The following NAA20 variants were observed in gnomAD, a reference collection of about 807,000 sequenced individuals.
NAA20 encodes the protein N-alpha-acetyltransferase 20.
A neutral mutation model predicts 23.8 loss-of-function variants in NAA20; 24 were observed. That is an observed-to-expected ratio of 1.01 (90% CI 0.73 to 1.42). The LOEUF is 1.42. Among genes scored for constraint, NAA20 ranks in the 40% most tolerant of loss-of-function variants. NAA20 has a pLI of 0.00. For missense variants in NAA20, 166 were observed against 223.1 expected, an observed-to-expected ratio of 0.74 and a Z score of 1.63; for synonymous variants, 83 against 77.7, an observed-to-expected ratio of 1.07 and a Z score of -0.36.
At chr20:20,032,432 TA>T (rs1405210092) in intron 4 of NAA20, 75 bp from the exon 5 acceptor site, 57 of 1,464,858 alleles carry the variant, frequency 3.9e-5, no homozygotes, top group East Asian at 4.6e-5. Flanking sequence ...AAACACGTTT[TA>T]AAAAAAATAT....
rs566230590 is a variant in NAA20 at position 20,022,473 on chromosome 20, C to G, written c.71C>G (p.Thr24Arg). 70 of 1,571,614 alleles carry G rather than the reference C, an allele frequency of 4.5e-5. No homozygotes were observed. Among genetic ancestry groups the G allele is most frequent in the Non-Finnish European group, 8.6e-7 (1 of 1,163,618 alleles). Reference protein sequence around the residue: ...RFNNINLDPLTETYGIPFYLQ... With the variant: ...RFNNINLDPLRETYGIPFYLQ... ...TCTTTCAGTAACTTGGATCCACTTA[C>G]AGAAACTGTATCCTTTTTTACAAAA... Residue 24 changes from threonine (T) to arginine (R), a missense_variant, in exon 2 of 6, where the codon ACA becomes AGA. Transcript: ENST00000334982.
In NAA20 at chr20:20,022,471, T is replaced by TA. The variant is rs1316615014; in HGVS notation, c.70dup (p.Thr24AsnfsTer37). ...TTTCTTTCAGTAACTTGGATCCACTTACAGAAACTGTATCCTTTTTTACAA... is the reference window on the plus strand; with the variant it reads ...TTTCTTTCAGTAACTTGGATCCACTTAACAGAAACTGTATCCTTTTTTACAA... On this transcript the variant is annotated frameshift_variant, in exon 2 of 6. Coordinates refer to ENST00000334982, the MANE Select transcript of NAA20 (RefSeq NM_016100.5). LOFTEE classifies it high-confidence loss of function. 2 of 1,582,458 alleles carry TA rather than the reference T, an allele frequency of 1.3e-6. No individual in the cohort carries two copies. The highest frequency in any genetic ancestry group is 1.7e-6 in the Non-Finnish European group (2 of 1,168,214).
chr20:20,022,391 C>T (rs2043274828), intron 1 of NAA20, 65 bp from the exon 2 acceptor site: 2 of 1,471,590 alleles, frequency 1.4e-6, no homozygotes, highest in African/African-American at 1.4e-5. Flanking sequence ...TTAGCTTTAG[C>T]AGGCTTATTT....
intron 4 of NAA20, among the ~76,000 whole-genome samples, chr20:20,028,633 C>T (rs1051164592): frequency 2.6e-5 from 4 of 152,084 alleles, no homozygotes; most frequent in African/African-American, 9.7e-5. Context: ...AGACTAGTTG[C>T]TAAGATTTAA....
chr20:20,021,573 T>C (rs2043268639), intron 1 of NAA20, among the ~76,000 whole-genome samples: 1 of 152,228 alleles, frequency 6.6e-6, no homozygotes, highest in African/African-American at 2.4e-5. Context: ...TTAAAATTTT[T>C]AAATCTCAGT....
chr20:20,020,678 A>G (rs943846601), intron 1 of NAA20, among the ~76,000 whole-genome samples: 2 of 152,138 alleles, frequency 1.3e-5, no homozygotes, highest in East Asian at 1.9e-4. Context: ...ACAAGTGTAG[A>G]AAAAAAGGCT....
chr20:20,025,097 C>T (rs1480125797), intron 2 of NAA20, among the ~76,000 whole-genome samples: 1 of 152,170 alleles, frequency 6.6e-6, no homozygotes, highest in Non-Finnish European at 1.5e-5. Flanking sequence ...CTTAAGTCAG[C>T]TTTTATCTGC....
chr20:20,032,968 T>G (rs2043358229), intron 5 of NAA20, 134 bp from the exon 6 acceptor site: 1 of 749,114 alleles, frequency 1.3e-6, no homozygotes, highest in South Asian at 1.8e-5. Flanking sequence ...GGGAGACATT[T>G]ATAAATACAT....
At chr20:20,032,453 A>G (rs1419572571) in intron 4 of NAA20, 55 bp from the exon 5 acceptor site, 1 of 1,560,460 alleles carries the variant, frequency 6.4e-7, no homozygotes, top group Non-Finnish European at 8.7e-7. Flanking sequence ...TGTATCTATT[A>G]CTTTCTAGGG....
intron 4 of NAA20, among the ~76,000 whole-genome samples, chr20:20,027,190 T>A (rs1348166090): frequency 6.6e-6 from 1 of 152,198 alleles, no homozygotes; most frequent in Non-Finnish European, 1.5e-5. Context: ...GCTCTCGAGG[T>A]TTCTCTTAGT....
intron 4 of NAA20, among the ~76,000 whole-genome samples, chr20:20,032,000 AT>A (rs1568750303): frequency 6.6e-6 from 1 of 152,190 alleles, no homozygotes; most frequent in African/African-American, 2.4e-5. Flanking sequence ...ACTCCTAGCT[AT>A]AGACCTTACG....
chr20:20,030,831 G>A (rs1277389598), intron 4 of NAA20, among the ~76,000 whole-genome samples: 2 of 151,938 alleles, frequency 1.3e-5, no homozygotes, highest in Non-Finnish European at 2.9e-5. Flanking sequence ...TGGATAGAAA[G>A]TCAGTATAAA....
At chr20:20,028,435 A>G (rs183327996) in intron 4 of NAA20, among the ~76,000 whole-genome samples, 13 of 152,260 alleles carry the variant, frequency 8.5e-5, no homozygotes, top group Admixed American at 4.6e-4. Flanking sequence ...GCGTATACCT[A>G]TGTAACAAAC....
chr20:20,032,141 C>T (rs764410183), intron 4 of NAA20, among the ~76,000 whole-genome samples: 5 of 151,752 alleles, frequency 3.3e-5, no homozygotes, highest in Admixed American at 6.6e-5. Context: ...CAATGTTAGT[C>T]GACTGAGAGA....
intron 4 of NAA20, 93 bp from the exon 5 acceptor site, chr20:20,032,405 TAGTCAAAGCA>T (rs1467820244): frequency 3.8e-5 from 41 of 1,091,730 alleles, no homozygotes; most frequent in Non-Finnish European, 1.4e-5. Flanking sequence ...TTCTGAGTAG[TAGTCAAAGCA>T]AGGTAAAAAC....
At chr20:20,031,548 T>C (rs2043344007) in intron 4 of NAA20, among the ~76,000 whole-genome samples, 1 of 151,986 alleles carries the variant, frequency 6.6e-6, no homozygotes, top group South Asian at 2.1e-4. Context: ...ATAAAAAGGC[T>C]AAGGAAAGGA....
chr20:20,027,439 G>C (rs774997023), intron 4 of NAA20, among the ~76,000 whole-genome samples: 7 of 152,004 alleles, frequency 4.6e-5, no homozygotes, highest in African/African-American at 1.5e-4. Context: ...CCAATGAGAG[G>C]TGTGCACCTG....
Position 20,032,506 on chromosome 20 carries a change from A to C in NAA20, c.306-2A>C. 6.2e-7 allele frequency: 1 copy of C among 1,608,016 alleles called. No homozygotes were observed. Among genetic ancestry groups the C allele is most frequent in the African/African-American group, 1.3e-5 (1 of 74,628 alleles). The stretch of plus-strand genomic sequence containing the variant: ...TTTTCCTTTTTTGTTTTTCTTTTAA[A>C]GAAAGGGTGGATTTTTTGTGGATCT... On this transcript the variant is annotated splice_acceptor_variant, in intron 4 of 5. Transcript: ENST00000334982. LOFTEE classifies it high-confidence loss of function.
chr20:20,025,768 G>C lies in NAA20; in HGVS notation c.169+1G>C. On this transcript the variant is annotated splice_donor_variant, in intron 3 of 5. Coordinates refer to ENST00000334982, the MANE Select transcript of NAA20 (RefSeq NM_016100.5). LOFTEE classifies it high-confidence loss of function. ...CCTGGTGGAGAATTAATGGGTTATA[G>C]TAAGTATAATACCACTAGTATTTTG... 1.3e-6 allele frequency: 2 copies of C among 1,573,650 alleles called. No homozygotes were observed. Among genetic ancestry groups the C allele is most frequent in the Non-Finnish European group, 1.7e-6 (2 of 1,143,268 alleles).
Sources: gnomAD v4.1 joint callset for allele counts (sites outside exome capture counted in the v4.1 genomes callset) on GRCh38, gnomAD v4.1.1 for gene constraint, MANE v1.5 for transcripts, NCBI Gene and HGNC (gene_info 2026-07-23, HGNC 2026-07-21) for gene names.